The following DLG2 variants were observed in gnomAD, a reference collection of about 807,000 sequenced individuals.
DLG2 encodes the protein disks large homolog 2.
Under a neutral mutation model 132.5 loss-of-function variants are expected in DLG2, and 45 were observed. The ratio of observed to expected loss-of-function variants is 0.34; its 90% CI spans 0.27 to 0.44. The LOEUF is 0.44. Among genes scored for constraint, DLG2 ranks in the 20% least tolerant of loss-of-function variants. The pLI is 1.00. For missense variants in DLG2, 1,045 were observed against 1,196.9 expected (o/e 0.87, Z 1.87); for synonymous variants, 424 against 419.6 (o/e 1.01, Z -0.13).
intron 3 of DLG2, among the ~76,000 whole-genome samples, chr11:85,549,834 G>C (rs530179389): frequency 6.6e-6 from 1 of 152,240 alleles, no homozygotes; most frequent in Admixed American, 6.5e-5. Flanking sequence ...CTGCCAGAGC[G>C]ATGACCAGTT....
At chr11:85,156,232 C>A (rs1179888850) in intron 4 of DLG2, among the ~76,000 whole-genome samples, 1 of 152,118 alleles carries the variant, frequency 6.6e-6, no homozygotes, top group Non-Finnish European at 1.5e-5. Context: ...TTATAAATTA[C>A]ATAAATGTAT....
At chr11:84,863,909 C>G (rs2084150955) in intron 6 of DLG2, among the ~76,000 whole-genome samples, 1 of 151,914 alleles carries the variant, frequency 6.6e-6, no homozygotes, top group Non-Finnish European at 1.5e-5. Flanking sequence ...GGATACAGCT[C>G]CATGTCTGTA....
chr11:84,195,098 G>T (rs2096490897), intron 8 of DLG2, among the ~76,000 whole-genome samples: 3 of 152,200 alleles, frequency 2.0e-5, no homozygotes, highest in South Asian at 2.1e-4. Context: ...GGCCTGAGGT[G>T]CCCAGAGCAA....
chr11:85,020,696 G>C lies in DLG2; in HGVS notation c.357+90965C>G. Reference sequence around the variant, plus strand: ...GAAAGGATTCCCTATTTAATAAATGGTGCTGGGAAAACTGGCTAGCCATAT... The same window carrying C: ...GAAAGGATTCCCTATTTAATAAATGCTGCTGGGAAAACTGGCTAGCCATAT... On this transcript the variant is annotated intron_variant, in intron 6 of 27. Coordinates refer to ENST00000376104, the MANE Select transcript of DLG2 (RefSeq NM_001142699.3). The C allele has an allele frequency of 5.9e-6, 3 of 509,310 alleles. No homozygotes were observed. In the Admixed American group the frequency reaches 6.9e-5, roughly 12 times the overall value. The allele number at this position is 509,310 out of a possible 1,614,324, so 31.5% of individuals were successfully genotyped here.
intron 6 of DLG2, among the ~76,000 whole-genome samples, chr11:84,729,764 A>G (rs2062936689): frequency 6.6e-6 from 1 of 152,032 alleles, no homozygotes; most frequent in Admixed American, 6.6e-5. Context: ...TAAAGAACCA[A>G]TAAATAAGTG....
At chr11:84,499,388 A>G (rs1370542418) in intron 7 of DLG2, among the ~76,000 whole-genome samples, 1 of 152,206 alleles carries the variant, frequency 6.6e-6, no homozygotes, top group Non-Finnish European at 1.5e-5. Flanking sequence ...CACAGGACTC[A>G]GAAACTTCAC....
intron 11 of DLG2, among the ~76,000 whole-genome samples, chr11:84,009,077 G>A (rs2094733629): frequency 1.3e-5 from 2 of 151,780 alleles, no homozygotes; most frequent in Admixed American, 1.3e-4. Context: ...CAAGATTGCT[G>A]CTGTTTTCTT....
At chr11:85,336,587 G>T (rs2082149550) in intron 3 of DLG2, 1 of 158,202 alleles carries the variant, frequency 6.3e-6, no homozygotes, top group South Asian at 1.8e-4. Context: ...GCATCAGCAG[G>T]GGCAAAAGTG....
intron 18 of DLG2, among the ~76,000 whole-genome samples, chr11:83,734,814 T>C (rs1173888233): frequency 3.9e-5 from 6 of 152,146 alleles, no homozygotes; most frequent in African/African-American, 1.4e-4. Context: ...AAGAGTATTA[T>C]TTCATGAAAC....
At chr11:84,859,315 A>G (rs1030188054) in intron 6 of DLG2, among the ~76,000 whole-genome samples, 51 of 142,510 alleles carry the variant, frequency 3.6e-4, no homozygotes, top group African/African-American at 1.3e-3. Flanking sequence ...ATACCTATAT[A>G]TGTATATCTA....
chr11:83,541,184 C>T (rs942677442), intron 20 of DLG2, among the ~76,000 whole-genome samples: 3 of 152,132 alleles, frequency 2.0e-5, no homozygotes, highest in African/African-American at 7.2e-5. Context: ...TGTTTGACAG[C>T]TCACATCCCA....
intron 3 of DLG2, among the ~76,000 whole-genome samples, chr11:85,488,762 G>C (rs529106527): frequency 6.6e-6 from 1 of 152,126 alleles, no homozygotes; most frequent in African/African-American, 2.4e-5. Flanking sequence ...CAAGATTAAT[G>C]TTCATAAATG....
At chr11:84,886,572 A>G (rs1029595103) in intron 6 of DLG2, among the ~76,000 whole-genome samples, 11 of 152,108 alleles carry the variant, frequency 7.2e-5, no homozygotes, top group Non-Finnish European at 1.2e-4. Context: ...GATCATTTAT[A>G]TTTGTATATT....
chr11:84,730,563 T>C (rs779027123), intron 6 of DLG2, among the ~76,000 whole-genome samples: 4 of 152,014 alleles, frequency 2.6e-5, no homozygotes, highest in African/African-American at 4.8e-5. Context: ...AAATTGATCA[T>C]TGTCAAAAAA....
chr11:83,486,302 G>T, intron 21 of DLG2: 1 of 669,032 alleles, frequency 1.5e-6, no homozygotes, highest in South Asian at 1.6e-5. Context: ...ATGTGATACT[G>T]CAAGGTATGT....
At chr11:83,837,284 C>T (rs2056449862) in intron 16 of DLG2, among the ~76,000 whole-genome samples, 1 of 152,186 alleles carries the variant, frequency 6.6e-6, no homozygotes, top group South Asian at 2.1e-4. Flanking sequence ...CAGCCTGTTG[C>T]TGCTGGGTAA....
chr11:84,851,307 G>A (rs2082135862), intron 6 of DLG2, among the ~76,000 whole-genome samples: 1 of 151,956 alleles, frequency 6.6e-6, no homozygotes, highest in South Asian at 2.1e-4. Context: ...GCATATTGTT[G>A]CACATATTTT....
intron 6 of DLG2, among the ~76,000 whole-genome samples, chr11:84,783,977 G>A (rs1006190276): frequency 6.6e-6 from 1 of 151,472 alleles, no homozygotes; most frequent in Non-Finnish European, 1.5e-5. Context: ...ATTTTGTCTG[G>A]TAACCCTTAA....
intron 3 of DLG2, among the ~76,000 whole-genome samples, chr11:85,312,287 TAGGC>T (rs2152809931): frequency 6.6e-6 from 1 of 151,808 alleles, no homozygotes; most frequent in East Asian, 1.9e-4. Context: ...CCATATTACT[TAGGC>T]AGCCAATATT....
Sources: allele counts gnomAD v4.1 joint callset (sites outside exome capture counted in the v4.1 genomes callset), GRCh38; gene constraint gnomAD v4.1.1; transcripts MANE v1.5; gene names NCBI Gene and HGNC (gene_info 2026-07-23, HGNC 2026-07-21).